UACA: variants seen among roughly 807,000 people sequenced by gnomAD.
UACA encodes the protein nuclear membrane binding protein.
In UACA, 112 loss-of-function variants were observed where a neutral mutation model predicts 160.5. The ratio of observed to expected loss-of-function variants is 0.70; its 90% CI spans 0.60 to 0.82. The LOEUF (loss-of-function observed/expected upper bound fraction) is 0.82, where lower values mean the gene tolerates loss of function less well. Among genes scored for constraint, UACA ranks in the 40% least tolerant of loss-of-function variants. UACA has a pLI of 0.00. For synonymous variants in UACA, 557 were observed against 568.4 expected (o/e 0.98, Z 0.29); for missense variants, 1,574 against 1,614.6 (o/e 0.97, Z 0.43).
chr15:70,767,832 G>A (rs886841008), upstream of UACA, among the ~76,000 whole-genome samples: 1 of 152,142 alleles, frequency 6.6e-6, no homozygotes, highest in Non-Finnish European at 1.5e-5. Context: ...AAAGCAAATG[G>A]CTGGCAGAAC....
intron 1 of UACA, among the ~76,000 whole-genome samples, chr15:70,719,588 C>A (rs1898930125): frequency 6.6e-6 from 1 of 152,208 alleles, no homozygotes; most frequent in Non-Finnish European, 1.5e-5. Context: ...AAACATCATT[C>A]TGTTTGAATT....
At chr15:70,710,239 A>T (rs1422233177) in intron 1 of UACA, among the ~76,000 whole-genome samples, 9 of 152,198 alleles carry the variant, frequency 5.9e-5, no homozygotes, top group Admixed American at 1.3e-4. Flanking sequence ...TGTCTGTTAC[A>T]GCAAGACCCT....
At chr15:70,721,362 A>G (rs1198342261) in intron 1 of UACA, among the ~76,000 whole-genome samples, 1 of 152,206 alleles carries the variant, frequency 6.6e-6, no homozygotes, top group African/African-American at 2.4e-5. Context: ...GCGGTGGCTC[A>G]CGCCTGTAAT....
intron 16 of UACA, 50 bp from the exon 17 acceptor site, chr15:70,664,864 A>G (rs1426632859): frequency 2.6e-6 from 4 of 1,513,622 alleles, no homozygotes; most frequent in Non-Finnish European, 3.6e-6. Context: ...ATCATGTACA[A>G]TGAACATCTT....
intron 1 of UACA, among the ~76,000 whole-genome samples, chr15:70,756,507 C>G (rs1213342698): frequency 1.3e-5 from 2 of 152,094 alleles, no homozygotes; most frequent in Admixed American, 6.5e-5. Context: ...CAACTATACC[C>G]CCAACTTACT....
upstream of UACA, chr15:70,768,360 G>A (rs1161697522): frequency 2.6e-5 from 4 of 152,018 alleles, no homozygotes; most frequent in East Asian, 3.8e-4. Flanking sequence ...CATTAGTTTC[G>A]ATACTGAAAG....
intron 16 of UACA, among the ~76,000 whole-genome samples, chr15:70,665,708 T>C (rs1456345549): frequency 6.6e-6 from 1 of 152,196 alleles, no homozygotes; most frequent in Non-Finnish European, 1.5e-5. Flanking sequence ...TTACTATATA[T>C]ATTCATAGGT....
chr15:70,754,186 G>T (rs1005258957), intron 1 of UACA: 8 of 455,724 alleles, frequency 1.8e-5, no homozygotes, highest in Non-Finnish European at 3.5e-5. Context: ...ATTCACCTGC[G>T]CTCTCTCAAG....
chr15:70,723,776 G>T (rs1899063659), intron 1 of UACA, among the ~76,000 whole-genome samples: 1 of 152,032 alleles, frequency 6.6e-6, no homozygotes, highest in Non-Finnish European at 1.5e-5. Context: ...GGGACTACAG[G>T]TGCCTGCCAC....
upstream of UACA, chr15:70,763,608 G>T: frequency 8.8e-7 from 1 of 1,141,670 alleles, no homozygotes; most frequent in Non-Finnish European, 1.1e-6. Flanking sequence ...CGCTGCCCTG[G>T]CGGGGGCGTG....
chr15:70,737,141 C>A lies in UACA; in HGVS notation c.78+26189G>T, dbSNP rs554304778. ...AACCATTACTGTTCTGAGCTGATAA[C>A]TTAATTTGAATAGGTGGCCATCGGG... On this transcript the variant is annotated intron_variant, in intron 1 of 18. Transcript: ENST00000322954. 1.4e-4 allele frequency among the ~76,000 whole-genome samples: 21 copies of A among 152,280 alleles called. No individual in the cohort carries two copies. The East Asian group carries it at 3.9e-3, about 28-fold the overall frequency.
intron 2 of UACA, among the ~76,000 whole-genome samples, chr15:70,695,436 C>T (rs1898096138): frequency 6.6e-6 from 1 of 151,370 alleles, no homozygotes; most frequent in African/African-American, 2.4e-5. Flanking sequence ...TTAATAAATG[C>T]ACTGAAAATT....
At chr15:70,774,545 C>CAAAAAAAAAAAA in the UACA span, among the ~76,000 whole-genome samples, 7 of 82,440 alleles carry the variant, frequency 8.5e-5, no homozygotes, top group African/African-American at 2.3e-4. Context: ...GACTCTGTCT[C>CAAAAAAAAAAAA]AAAAAAAAAA....
intron 1 of UACA, among the ~76,000 whole-genome samples, chr15:70,719,389 C>A (rs868077661): frequency 2.6e-5 from 4 of 152,284 alleles, no homozygotes; most frequent in Middle Eastern, 3.4e-3. Context: ...CTCAGTGGAA[C>A]AAAATGGCTT....
At position 70,667,684 on chromosome 15, in the gene UACA, T is replaced by C. The variant is rs1378745086; in HGVS notation, c.3000A>G (p.Ala1000=). 6.2e-7 allele frequency: 1 copy of C among 1,613,690 alleles called. No homozygotes were observed. Reference sequence around the variant, plus strand: ...ACTGGTCTTTTAGTTCTTTCTCTGTTGCTTTAAATTTTCTCTCGCACTCCT... The same window carrying C: ...ACTGGTCTTTTAGTTCTTTCTCTGTCGCTTTAAATTTTCTCTCGCACTCCT... ...SFEECERKFK[A]TEKELKDQLS... is the part of the protein sequence containing the mutation. Residue 1000 remains alanine (A), a synonymous_variant, in exon 16 of 19, where the codon GCA becomes GCG. Transcript: ENST00000322954.
chr15:70,774,545 C>CAAAAAAAAAAAAAAAAAAAAAAA, the UACA span, among the ~76,000 whole-genome samples: 1,111 of 81,888 alleles, frequency 0.014, 51 homozygotes, highest in African/African-American at 0.018. Context: ...GACTCTGTCT[C>CAAAAAAAAAAAAAAAAAAAAAAA]AAAAAAAAAA....
At chr15:70,702,201 C>G in intron 1 of UACA, 1 of 1,152,726 alleles carries the variant, frequency 8.7e-7, no homozygotes, top group Non-Finnish European at 1.1e-6. Context: ...TCTTTGGAAG[C>G]TAGCTATCTT....
intron 1 of UACA, among the ~76,000 whole-genome samples, chr15:70,707,221 T>TAGCC (rs951354807): frequency 1.3e-5 from 2 of 152,184 alleles, no homozygotes; most frequent in African/African-American, 4.8e-5. Context: ...GAAAACTGGA[T>TAGCC]AGCCACATGC....
the UACA span, among the ~76,000 whole-genome samples, chr15:70,769,800 C>A: frequency 6.6e-6 from 1 of 152,024 alleles, no homozygotes; most frequent in Non-Finnish European, 1.5e-5. Context: ...AGTTCAAGAC[C>A]AGCCTGGCCA....
Sources: allele counts gnomAD v4.1 joint callset (sites outside exome capture counted in the v4.1 genomes callset), GRCh38; gene constraint gnomAD v4.1.1; transcripts MANE v1.5; gene names NCBI Gene and HGNC (gene_info 2026-07-23, HGNC 2026-07-21).